MSH3: variants seen among roughly 807,000 people sequenced by gnomAD.
MSH3 encodes the protein DNA mismatch repair protein Msh3.
In MSH3, 106 loss-of-function variants were observed where a neutral mutation model predicts 123.3. That is an observed-to-expected ratio of 0.86 (90% CI 0.73 to 1.01). The LOEUF is 1.01. Ranked by LOEUF, MSH3 falls within the 50% of genes least tolerant of loss-of-function variation. The probability of loss-of-function intolerance (pLI) is 0.00; values close to 1 mark genes in which losing one functional copy is unlikely to be tolerated. For missense variants in MSH3, 1,459 were observed against 1,347.6 expected, an observed-to-expected ratio of 1.08 and a Z score of -1.29; for synonymous variants, 515 against 481.4, an observed-to-expected ratio of 1.07 and a Z score of -0.91.
intron 20 of MSH3, among the ~76,000 whole-genome samples, chr5:80,827,469 CTG>C (rs1057208814): frequency 6.6e-6 from 1 of 152,238 alleles, no homozygotes; most frequent in African/African-American, 2.4e-5. Flanking sequence ...TGAGCACTGA[CTG>C]TGGAGTATTT....
rs1434358007 is a variant in MSH3, at chr5:80,670,275, G to C, written c.758G>C (p.Gly253Ala). The change falls in exon 4 of 24, where the codon GGA becomes GCA. Residue 253 changes from glycine to alanine, a missense_variant. Physicochemically the swap from Gly to Ala is moderately conservative, Grantham distance 60. Transcript: ENST00000265081. ...GATGCAGTTTTGTGTGTGGAATGTG[G>C]ATATAAGTATAGATTCTTTGGGGAA... ...HKDAVLCVEC[G>A]YKYRFFGEDA... The C allele has an allele frequency of 1.9e-6, 3 of 1,614,000 alleles. No individual in the cohort carries two copies. The highest frequency in any genetic ancestry group is 3.3e-5 in the Admixed American group (2 of 60,012).
At chr5:80,698,341 T>A (rs1467472799) in intron 8 of MSH3, among the ~76,000 whole-genome samples, 1 of 152,228 alleles carries the variant, frequency 6.6e-6, no homozygotes, top group African/African-American at 2.4e-5. Flanking sequence ...CCAGCTTTGT[T>A]ACTAGGTGGC....
chr5:80,701,226 GA>G (rs1750603672), intron 8 of MSH3, among the ~76,000 whole-genome samples: 1 of 152,168 alleles, frequency 6.6e-6, no homozygotes, highest in Admixed American at 6.5e-5. Flanking sequence ...TGGAAAGGAA[GA>G]AAAAGGAAAG....
chr5:80,840,083 C>T (rs1481277442), intron 20 of MSH3, among the ~76,000 whole-genome samples: 1 of 152,220 alleles, frequency 6.6e-6, no homozygotes, highest in Non-Finnish European at 1.5e-5. Context: ...TTCTTCTCAG[C>T]TTCCAGTTTC....
At chr5:80,729,430 A>ATGTGTGTGTGTGTGTGTGTG (rs71594671) in intron 10 of MSH3, among the ~76,000 whole-genome samples, 2 of 78,376 alleles carry the variant, frequency 2.6e-5, no homozygotes. Flanking sequence ...AAAAAAAAAA[A>ATGTGTGTGTGTGTGTGTGTG]TGTGTGTGTG....
intron 9 of MSH3, among the ~76,000 whole-genome samples, chr5:80,727,184 T>C (rs1448276677): frequency 6.6e-6 from 1 of 152,234 alleles, no homozygotes; most frequent in Non-Finnish European, 1.5e-5. Flanking sequence ...TGTAATTTAC[T>C]GATATTTGGT....
At chr5:80,660,612 G>A (rs1040521922) in intron 2 of MSH3, among the ~76,000 whole-genome samples, 3 of 152,182 alleles carry the variant, frequency 2.0e-5, no homozygotes, top group Non-Finnish European at 4.4e-5. Context: ...AAGAGTCACT[G>A]TATTTCTTCG....
intron 8 of MSH3, among the ~76,000 whole-genome samples, chr5:80,687,778 C>T (rs976679180): frequency 6.6e-6 from 1 of 151,662 alleles, no homozygotes; most frequent in African/African-American, 2.4e-5. Context: ...AGTAAGGTTT[C>T]TGGGAAAAGG....
chr5:80,820,769 T>C (rs1374271015), intron 20 of MSH3, among the ~76,000 whole-genome samples: 1 of 152,234 alleles, frequency 6.6e-6, no homozygotes, highest in Non-Finnish European at 1.5e-5. Context: ...AGTTTAGGTA[T>C]GTGGCAGGAT....
intron 20 of MSH3, among the ~76,000 whole-genome samples, chr5:80,831,219 G>C (rs769252407): frequency 1.3e-5 from 2 of 152,168 alleles, no homozygotes; most frequent in Non-Finnish European, 2.9e-5. Context: ...TGTCTTAACA[G>C]AATGATACGA....
At chr5:80,866,068 A>T (rs1481787262) in intron 22 of MSH3, among the ~76,000 whole-genome samples, 1 of 152,236 alleles carries the variant, frequency 6.6e-6, no homozygotes, top group Non-Finnish European at 1.5e-5. Context: ...TACGCATTTG[A>T]TGTGAACTGA....
chr5:80,874,191 G>C (rs888261821), intron 23 of MSH3, among the ~76,000 whole-genome samples: 2 of 152,038 alleles, frequency 1.3e-5, no homozygotes, highest in African/African-American at 4.8e-5. Flanking sequence ...TTTCAATATT[G>C]AAATAGTAAT....
At chr5:80,862,753 C>A (rs1746034596) in intron 21 of MSH3, among the ~76,000 whole-genome samples, 1 of 151,876 alleles carries the variant, frequency 6.6e-6, no homozygotes, top group Admixed American at 6.6e-5. Context: ...GATTGAGACC[C>A]TGTCTCTAAA....
intron 20 of MSH3, among the ~76,000 whole-genome samples, chr5:80,822,215 G>A (rs1236363527): frequency 6.6e-6 from 1 of 152,194 alleles, no homozygotes; most frequent in Middle Eastern, 3.2e-3. Context: ...GAGAAGTACT[G>A]TGCCATAGTC....
At chr5:80,744,437 G>A in intron 11 of MSH3, 69 bp from the exon 12 acceptor site, 2 of 1,072,898 alleles carry the variant, frequency 1.9e-6, no homozygotes, top group East Asian at 2.4e-5. Context: ...TAGAATCGGG[G>A]TATATGAAAT....
At chr5:80,769,200 G>A (rs752941980) in intron 15 of MSH3, among the ~76,000 whole-genome samples, 197 bp downstream of exon 15, 1 of 152,084 alleles carries the variant, frequency 6.6e-6, no homozygotes, top group Non-Finnish European at 1.5e-5. Flanking sequence ...TCTTGTTAAA[G>A]TAATGCAACT....
At chr5:80,813,114 A>G (rs1216552305) in intron 19 of MSH3, among the ~76,000 whole-genome samples, 1 of 152,240 alleles carries the variant, frequency 6.6e-6, no homozygotes, top group Non-Finnish European at 1.5e-5. Flanking sequence ...CTGGTAAACC[A>G]ATGTCTAGAA....
chr5:80,836,647 T>C (rs1304625632), intron 20 of MSH3, among the ~76,000 whole-genome samples: 1 of 150,382 alleles, frequency 6.6e-6, no homozygotes, highest in Non-Finnish European at 1.5e-5. Flanking sequence ...GATGATCACA[T>C]CCCTGATATA....
intron 8 of MSH3, among the ~76,000 whole-genome samples, chr5:80,694,939 G>C (rs988959593): frequency 7.1e-6 from 1 of 140,756 alleles, no homozygotes; most frequent in Admixed American, 7.2e-5. Context: ...TTAATTATGT[G>C]TCATGGAACA....
Sources: allele counts gnomAD v4.1 joint callset (sites outside exome capture counted in the v4.1 genomes callset), GRCh38; gene constraint gnomAD v4.1.1; transcripts MANE v1.5; gene names NCBI Gene and HGNC (gene_info 2026-07-23, HGNC 2026-07-21).